The following FGGY variants were observed in gnomAD, a reference collection of about 807,000 sequenced individuals.
FGGY encodes the protein FGGY carbohydrate kinase domain-containing protein.
FGGY carries 72 observed loss-of-function variants against 71.3 expected under a neutral mutation model. The observed-to-expected ratio is 1.01, with a 90% CI of 0.84 to 1.23. The LOEUF is 1.23. Ranked by LOEUF, FGGY falls within the 50% of genes most tolerant of loss-of-function variation. FGGY has a pLI of 0.00. For synonymous variants in FGGY, 251 were observed against 250.3 expected, an observed-to-expected ratio of 1.00 and a Z score of -0.02; for missense variants, 668 against 682.3, an observed-to-expected ratio of 0.98 and a Z score of 0.23.
intron 11 of FGGY, among the ~76,000 whole-genome samples, chr1:59,640,125 C>G: frequency 6.6e-6 from 1 of 152,036 alleles, no homozygotes; most frequent in East Asian, 1.9e-4. Flanking sequence ...GTTCACATAC[C>G]TCATATATCA....
At chr1:59,740,723 C>G (rs1191015162) in intron 14 of FGGY, among the ~76,000 whole-genome samples, 1 of 152,224 alleles carries the variant, frequency 6.6e-6, no homozygotes. Context: ...CCTACTGCCT[C>G]TAACAGCCCA....
chr1:59,369,658 A>AC (rs910101990), intron 4 of FGGY, among the ~76,000 whole-genome samples: 5 of 151,722 alleles, frequency 3.3e-5, no homozygotes, highest in African/African-American at 1.2e-4. Flanking sequence ...ACTGGGAGGC[A>AC]CCCCCCAGTA....
intron 7 of FGGY, among the ~76,000 whole-genome samples, chr1:59,529,491 C>T (rs2095081721): frequency 6.6e-6 from 1 of 152,052 alleles, no homozygotes; most frequent in Non-Finnish European, 1.5e-5. Flanking sequence ...AGCAATGAAA[C>T]GTAGAGTATT....
intron 5 of FGGY, among the ~76,000 whole-genome samples, chr1:59,409,886 A>G (rs2063347912): frequency 1.3e-5 from 2 of 152,220 alleles, no homozygotes; most frequent in South Asian, 4.2e-4. Flanking sequence ...GCACATTCTG[A>G]TAGGAACCAT....
chr1:59,701,365 G>A (rs2097708089), intron 14 of FGGY, among the ~76,000 whole-genome samples: 1 of 152,114 alleles, frequency 6.6e-6, no homozygotes, highest in Non-Finnish European at 1.5e-5. Context: ...CACTAGACTG[G>A]AAATTGACTG....
Position 59,422,921 on chromosome 1 carries a change from T to C in FGGY, c.555-34040T>C, listed in dbSNP as rs147802816. 3.8e-3 allele frequency among the ~76,000 whole-genome samples: 575 copies of C among 152,272 alleles called. 4 individuals are homozygous for C. The highest frequency in any genetic ancestry group is 0.013 in the African/African-American group (539 of 41,552). ...GGCATGCAATGATTATTACCCAATT[T>C]TGTATTCAGTAAAATTAAAGCCCAG... On this transcript the variant is annotated intron_variant, in intron 5 of 15. Transcript: ENST00000303721.
At chr1:59,391,525 C>A (rs774310418) in intron 5 of FGGY, among the ~76,000 whole-genome samples, 4 of 152,180 alleles carry the variant, frequency 2.6e-5, no homozygotes, top group Non-Finnish European at 5.9e-5. Context: ...TTGCTTCTTT[C>A]TCTTTTCATT....
chr1:59,327,109 AATTTTTTTAAGTAAGGC>A (rs1309991183), intron 2 of FGGY, among the ~76,000 whole-genome samples: 1 of 152,158 alleles, frequency 6.6e-6, no homozygotes, highest in African/African-American at 2.4e-5. Context: ...TGGCTGTGGT[AATTTTTTTAAGTAAGGC>A]AATTTTTTAA....
intron 3 of FGGY, among the ~76,000 whole-genome samples, chr1:59,340,448 A>G (rs1006714557): frequency 3.3e-5 from 5 of 152,208 alleles, no homozygotes; most frequent in African/African-American, 1.2e-4. Flanking sequence ...TTCCGTGCTT[A>G]TCTGAGTGGA....
intron 6 of FGGY, among the ~76,000 whole-genome samples, chr1:59,482,568 A>ATG (rs1261983852): frequency 2.7e-5 from 3 of 109,390 alleles, no homozygotes; most frequent in East Asian, 2.4e-4. Flanking sequence ...ATGTGTATAT[A>ATG]TATGTGTGTG....
At chr1:59,615,912 G>T (rs934102125) in intron 9 of FGGY, among the ~76,000 whole-genome samples, 1 of 152,126 alleles carries the variant, frequency 6.6e-6, no homozygotes, top group Non-Finnish European at 1.5e-5. Flanking sequence ...ATCATCACTG[G>T]CCATCAGAGA....
At chr1:59,743,702 T>A (rs188245724) in intron 14 of FGGY, among the ~76,000 whole-genome samples, 9 of 152,316 alleles carry the variant, frequency 5.9e-5, no homozygotes, top group Admixed American at 1.3e-4. Flanking sequence ...CGGAGCAAGT[T>A]CTTATTTGTA....
chr1:59,710,745 C>T (rs1460973666), intron 14 of FGGY, among the ~76,000 whole-genome samples: 1 of 152,084 alleles, frequency 6.6e-6, no homozygotes, highest in Non-Finnish European at 1.5e-5. Context: ...CACAGAGATA[C>T]CGTCTCAACA....
At chr1:59,592,136 A>G (rs1289446412) in intron 8 of FGGY, among the ~76,000 whole-genome samples, 2 of 152,236 alleles carry the variant, frequency 1.3e-5, no homozygotes, top group East Asian at 3.8e-4. Context: ...ACATGAACAG[A>G]CACTTCTCAA....
rs141571777 is a variant in FGGY at position 59,661,324 on chromosome 1, C to A, written c.1296+1031C>A. ...TATGTGCAATAAAGAATGGAACCTCCCAGATAGTAATAATACTAATACTGA... is the reference window on the plus strand; with the variant it reads ...TATGTGCAATAAAGAATGGAACCTCACAGATAGTAATAATACTAATACTGA... On this transcript the variant is annotated intron_variant, in intron 12 of 15. Transcript: ENST00000303721. Among the ~76,000 whole-genome samples the A allele has an allele frequency of 3.0e-4, 46 of 152,164 alleles. 1 individual carries two copies. The highest frequency in any genetic ancestry group is 1.0e-3 in the African/African-American group (43 of 41,528).
intron 6 of FGGY, among the ~76,000 whole-genome samples, chr1:59,478,338 C>T (rs907330162): frequency 6.6e-6 from 1 of 152,168 alleles, no homozygotes; most frequent in Admixed American, 6.5e-5. Context: ...CATATTGAAG[C>T]CTCATCTATA....
At chr1:59,665,129 C>T (rs1292362127) in intron 12 of FGGY, among the ~76,000 whole-genome samples, 1 of 152,190 alleles carries the variant, frequency 6.6e-6, no homozygotes, top group Non-Finnish European at 1.5e-5. Flanking sequence ...CTTCAGGCAT[C>T]TGTAGACCTC....
intron 6 of FGGY, among the ~76,000 whole-genome samples, chr1:59,479,017 C>A (rs2153562921): frequency 6.6e-6 from 1 of 152,336 alleles, no homozygotes; most frequent in South Asian, 2.1e-4. Context: ...AGTCGTACAG[C>A]AGCCACAGCT....
intron 5 of FGGY, among the ~76,000 whole-genome samples, chr1:59,417,457 A>G (rs571474887): frequency 3.7e-4 from 57 of 152,312 alleles, no homozygotes; most frequent in African/African-American, 1.3e-3. Context: ...TCTTGAGCCT[A>G]TTAGAAGGAG....
Sources: gnomAD v4.1 joint callset for allele counts (sites outside exome capture counted in the v4.1 genomes callset) on GRCh38, gnomAD v4.1.1 for gene constraint, MANE v1.5 for transcripts, NCBI Gene and HGNC (gene_info 2026-07-23, HGNC 2026-07-21) for gene names.